The following AVEN variants were observed in gnomAD, a reference collection of about 807,000 sequenced individuals.
AVEN encodes cell death regulator Aven.
In AVEN, 41 loss-of-function variants were observed where a neutral mutation model predicts 38.1. The ratio of observed to expected loss-of-function variants is 1.08; its 90% CI spans 0.84 to 1.40. AVEN has a LOEUF of 1.40. Among genes scored for constraint, AVEN ranks in the 40% most tolerant of loss-of-function variants. The pLI is 0.00. For synonymous variants in AVEN, 206 were observed against 171.8 expected, an observed-to-expected ratio of 1.20 and a Z score of -1.56; for missense variants, 605 against 438.8, an observed-to-expected ratio of 1.38 and a Z score of -3.38.
chr15:33,918,328 AAACT>A (rs1477347381), intron 2 of AVEN, among the ~76,000 whole-genome samples: 1 of 152,218 alleles, frequency 6.6e-6, no homozygotes, highest in Non-Finnish European at 1.5e-5. Context: ...TTTTAAAATC[AAACT>A]AATAATAGGA....
chr15:33,897,621 T>C (rs1892291174), intron 2 of AVEN, among the ~76,000 whole-genome samples: 1 of 152,110 alleles, frequency 6.6e-6, no homozygotes, highest in Non-Finnish European at 1.5e-5. Flanking sequence ...CTCATGCCTA[T>C]AATCCCAGCA....
chr15:34,047,209 C>T (rs1473745300), intron 5 of AVEN, among the ~76,000 whole-genome samples: 1 of 152,030 alleles, frequency 6.6e-6, no homozygotes, highest in Non-Finnish European at 1.5e-5. Flanking sequence ...TCCCGAGTAG[C>T]TGGGACTACA....
At chr15:33,936,047 G>A (rs990917815) in intron 2 of AVEN, among the ~76,000 whole-genome samples, 2 of 151,830 alleles carry the variant, frequency 1.3e-5, no homozygotes, top group Admixed American at 6.6e-5. Flanking sequence ...AATACGAATG[G>A]AAGGGAACTT....
chr15:33,917,407 TA>T (rs1893183558), intron 2 of AVEN, among the ~76,000 whole-genome samples: 1 of 147,116 alleles, frequency 6.8e-6, no homozygotes, highest in East Asian at 2.0e-4. Context: ...CATGGAATAC[TA>T]CTATATATAT....
intron 5 of AVEN, 58 bp downstream of exon 5, chr15:33,867,437 G>A: frequency 1.3e-6 from 2 of 1,530,988 alleles, no homozygotes; most frequent in East Asian, 2.3e-5. Context: ...TGCGGGCGGG[G>A]CTGTTCTTGA....
chr15:33,952,606 C>A (rs1894794030), intron 2 of AVEN, among the ~76,000 whole-genome samples: 1 of 152,010 alleles, frequency 6.6e-6, no homozygotes, highest in African/African-American at 2.4e-5. Flanking sequence ...CCCAAAACAG[C>A]ATAAATGAAA....
chr15:33,882,626 G>A (rs745682483), intron 2 of AVEN, among the ~76,000 whole-genome samples: 5 of 152,000 alleles, frequency 3.3e-5, no homozygotes, highest in Non-Finnish European at 5.9e-5. Context: ...CAGCACTTTG[G>A]GAGGCTGAGG....
At chr15:34,039,333 C>CAG (rs1358275961), upstream of AVEN, among the ~76,000 whole-genome samples, 2 of 149,836 alleles carry the variant, frequency 1.3e-5, no homozygotes, top group Non-Finnish European at 3.0e-5. Context: ...CTCAAGGCAT[C>CAG]AGAGATAGGT....
intron 2 of AVEN, among the ~76,000 whole-genome samples, chr15:33,951,627 C>T (rs1338600139): frequency 6.6e-6 from 1 of 152,026 alleles, no homozygotes; most frequent in Non-Finnish European, 1.5e-5. Flanking sequence ...TTCCCCTTTC[C>T]CTCCTCTAAC....
chr15:33,900,918 AG>A (rs572821767), intron 2 of AVEN, among the ~76,000 whole-genome samples: 368 of 152,308 alleles, frequency 2.4e-3, no homozygotes, highest in African/African-American at 8.4e-3. Context: ...GCTAGAAAGA[AG>A]GAAATGTCTA....
chr15:33,866,305 G>C lies in AVEN; in HGVS notation c.*308C>G. ...ATTCTCTTAATCAGCAGCAGCATCT[G>C]CTATGCTGTAAACACTGGCTATGTT... On this transcript the variant is annotated 3_prime_UTR_variant, in exon 6 of 6. Coordinates refer to ENST00000306730, the MANE Select transcript of AVEN (RefSeq NM_020371.3). 2.9e-6 allele frequency: 1 copy of C among 341,366 alleles called. No homozygotes were observed. Among genetic ancestry groups the C allele is most frequent in the Non-Finnish European group, 5.3e-6 (1 of 188,144 alleles). 21.1% of individuals were successfully genotyped at this position (341,366 alleles called of 1,614,324 possible).
At position 34,003,121 on chromosome 15, in the gene AVEN, TC is replaced by T; in HGVS notation, c.355del (p.Asp119IlefsTer91). On this transcript the variant is annotated frameshift_variant, in exon 2 of 6. Coordinates refer to ENST00000306730, the MANE Select transcript of AVEN (RefSeq NM_020371.3). LOFTEE classifies it high-confidence loss of function. The part of the protein sequence containing the change: ...YSKRKIVSNW[D>X]RYQDIEKEVN... The stretch of plus-strand genomic sequence containing the variant: ...CTCTTTTTCAATATCTTGATATCGA[TC>T]CCAGTTAGAGACAATCTTTCTTTTA... 1 of 1,613,870 alleles carries T rather than the reference TC, an allele frequency of 6.2e-7. No homozygotes were observed.
At chr15:33,892,778 A>C (rs993456158) in intron 2 of AVEN, among the ~76,000 whole-genome samples, 63 of 151,680 alleles carry the variant, frequency 4.2e-4, no homozygotes, top group African/African-American at 1.3e-3. Flanking sequence ...TGGTAGCTTG[A>C]TGGGGATGGC....
chr15:33,998,992 TC>T (rs1464688817), intron 2 of AVEN, among the ~76,000 whole-genome samples: 1 of 152,252 alleles, frequency 6.6e-6, no homozygotes, highest in Non-Finnish European at 1.5e-5. Flanking sequence ...CATTCCTCTA[TC>T]CAGCAGCCTG....
At chr15:33,917,014 T>C (rs1240928933) in intron 2 of AVEN, among the ~76,000 whole-genome samples, 2 of 152,070 alleles carry the variant, frequency 1.3e-5, no homozygotes, top group Non-Finnish European at 2.9e-5. Context: ...GAACAGCATG[T>C]GGGTAACTGC....
At chr15:33,865,350 AC>A (rs1890146560), downstream of AVEN, 8 of 685,344 alleles carry the variant, frequency 1.2e-5, no homozygotes, top group African/African-American at 1.5e-4. Context: ...TAAAAAAAAA[AC>A]TGCTGAAAAT....
intron 1 of AVEN, among the ~76,000 whole-genome samples, chr15:34,072,327 C>T (rs908730894): frequency 2.0e-5 from 3 of 149,424 alleles, no homozygotes; most frequent in African/African-American, 7.4e-5. Context: ...TAAAAAATTA[C>T]CTGGGCCGGG....
At chr15:34,006,082 A>C (rs532493987) in intron 1 of AVEN, among the ~76,000 whole-genome samples, 12 of 152,258 alleles carry the variant, frequency 7.9e-5, no homozygotes, top group African/African-American at 2.6e-4. Flanking sequence ...GAGGCCGAGG[A>C]GGGCAGATCA....
At chr15:34,025,044 G>A (rs1054150011) in intron 1 of AVEN, among the ~76,000 whole-genome samples, 6 of 151,608 alleles carry the variant, frequency 4.0e-5, no homozygotes, top group African/African-American at 1.5e-4. Context: ...GGTGGTAGGA[G>A]CCTGTAATCC....
Sources: allele counts gnomAD v4.1 joint callset (sites outside exome capture counted in the v4.1 genomes callset), GRCh38; gene constraint gnomAD v4.1.1; transcripts MANE v1.5; gene names NCBI Gene and HGNC (gene_info 2026-07-23, HGNC 2026-07-21).